The following USP34 variants were observed in gnomAD, a reference collection of about 807,000 sequenced individuals.
USP34 encodes the protein ubiquitin carboxyl-terminal hydrolase 34.
A neutral mutation model predicts 460.3 loss-of-function variants in USP34; 70 were observed. The ratio of observed to expected loss-of-function variants is 0.15; its 90% CI spans 0.13 to 0.19. The LOEUF is 0.19. Among genes scored for constraint, USP34 ranks in the 10% least tolerant of loss-of-function variants. USP34 has a pLI of 1.00. For missense variants in USP34, 3,985 were observed against 4,236.2 expected (o/e 0.94, Z 1.65); for synonymous variants, 1,647 against 1,405.3 (o/e 1.17, Z -3.85).
At chr2:61,338,817 A>T (rs1006013201) in intron 18 of USP34, among the ~76,000 whole-genome samples, 13 of 152,230 alleles carry the variant, frequency 8.5e-5, no homozygotes, top group African/African-American at 2.4e-4. Context: ...CCAAAAAACA[A>T]AAAAAGACTT....
At chr2:61,388,945 T>C (rs1186061012) in intron 5 of USP34, among the ~76,000 whole-genome samples, 1 of 152,046 alleles carries the variant, frequency 6.6e-6, no homozygotes. Context: ...AATAAATTGG[T>C]ATATTTTAAA....
chr2:61,353,380 C>T (rs1438117546), intron 10 of USP34, among the ~76,000 whole-genome samples: 1 of 151,174 alleles, frequency 6.6e-6, no homozygotes, highest in Non-Finnish European at 1.5e-5. Context: ...ACCTGTTGCA[C>T]TTCCTAGACG....
At chr2:61,408,185 G>A (rs1204294359) in intron 2 of USP34, among the ~76,000 whole-genome samples, 1 of 152,036 alleles carries the variant, frequency 6.6e-6, no homozygotes, top group Non-Finnish European at 1.5e-5. Context: ...AGCCAACTTG[G>A]AAGTATATCC....
intron 20 of USP34, among the ~76,000 whole-genome samples, chr2:61,327,522 A>T (rs1052011298): frequency 6.6e-6 from 1 of 152,244 alleles, no homozygotes; most frequent in Non-Finnish European, 1.5e-5. Flanking sequence ...CTGCGGTTTT[A>T]CGTTACTGTA....
rs1691907538 is a variant in USP34, at chr2:61,350,301, G to A, written c.1466C>T (p.Ala489Val). Residue 489 changes from alanine to valine, a missense_variant, in exon 12 of 80, where the codon GCA (alanine) becomes GTA (valine). Coordinates refer to ENST00000398571, the MANE Select transcript of USP34 (RefSeq NM_014709.4). ...KAQLSKQSSF[A>V]SLLNTNIPIG... ...GGGAATATTAGTATTTAATAAAGAT[G>A]CAAAAGAACTCTGTTTAGATAACTG... 1.9e-6 allele frequency: 3 copies of A among 1,611,634 alleles called. No homozygotes were observed. The highest frequency in any genetic ancestry group is 1.1e-5 in the South Asian group (1 of 90,682).
Position 61,229,586 on chromosome 2 carries a change from C to A in USP34, c.7161G>T (p.Val2387=), listed in dbSNP as rs774232145. The change falls in exon 59 of 80, where the codon GTG becomes GTT. Residue 2387 remains valine (V), a synonymous_variant. Coordinates refer to ENST00000398571, the MANE Select transcript of USP34 (RefSeq NM_014709.4). ...CIHVIQRLRP[V]HAHLYLQPGM... is the part of the protein sequence containing the mutation. ...CTGGCTGCAAATAGAGATGAGCATG[C>A]ACAGGTCTCAGCCTCTGAATCACAT... The A allele has an allele frequency of 6.2e-7, 1 of 1,612,092 alleles. No individual in the cohort carries two copies. The highest frequency in any genetic ancestry group is 2.2e-5 in the East Asian group (1 of 44,758).
intron 8 of USP34, among the ~76,000 whole-genome samples, chr2:61,375,213 C>A (rs527939554): frequency 5.3e-5 from 8 of 152,218 alleles, no homozygotes; most frequent in Admixed American, 3.3e-4. Flanking sequence ...ACTTTACACC[C>A]CCTAAATGGC....
At chr2:61,357,265 T>G (rs1415363405) in intron 10 of USP34, among the ~76,000 whole-genome samples, 1 of 152,088 alleles carries the variant, frequency 6.6e-6, no homozygotes. Context: ...AGGAAGAAGC[T>G]GAAAATCAGT....
chr2:61,206,708 T>C, intron 71 of USP34, 52 bp downstream of exon 71: 1 of 1,588,338 alleles, frequency 6.3e-7, no homozygotes, highest in Non-Finnish European at 8.6e-7. Flanking sequence ...TAAAACCTTC[T>C]CTCTCTTTAC....
chr2:61,192,938 A>C lies in USP34; in HGVS notation c.9551T>G (p.Leu3184Arg). ...AYEGLPLHLA[L>R]FPKLWTELCQ... ...TAGCTCAGTCCAAAGTTTGGGGAAC[A>C]GTGCAAGATGAAGTGGCAAACCTTC... The change falls in exon 76 of 80, where the codon CTG becomes CGG. Residue 3184 changes from leucine (L) to arginine (R), a missense_variant. Coordinates refer to ENST00000398571, the MANE Select transcript of USP34 (RefSeq NM_014709.4). The C allele has an allele frequency of 6.2e-7, 1 of 1,613,986 alleles. No homozygotes were observed. The highest frequency in any genetic ancestry group is 8.5e-7 in the Non-Finnish European group (1 of 1,179,892).
chr2:61,243,397 TC>T (rs955738673), intron 51 of USP34, among the ~76,000 whole-genome samples: 2 of 152,022 alleles, frequency 1.3e-5, no homozygotes, highest in African/African-American at 4.8e-5. Context: ...TCCACCTGCT[TC>T]GGCCTCCCAA....
chr2:61,265,885 A>C, intron 42 of USP34, 99 bp downstream of exon 42: 2 of 1,122,894 alleles, frequency 1.8e-6, no homozygotes, highest in Non-Finnish European at 2.4e-6. Context: ...TATAATGTTA[A>C]AGTGTGTGAA....
At chr2:61,242,458 TACACACACACAC>T (rs67471702) in intron 51 of USP34, among the ~76,000 whole-genome samples, 3,518 of 129,766 alleles carry the variant, frequency 0.027, 168 homozygotes, top group African/African-American at 0.099. Context: ...AGATAATACA[TACACACACACAC>T]ACACACACAC....
intron 1 of USP34, among the ~76,000 whole-genome samples, chr2:61,425,603 A>T (rs1352739076): frequency 6.6e-6 from 1 of 152,176 alleles, no homozygotes; most frequent in Non-Finnish European, 1.5e-5. Flanking sequence ...AGGAGTCCCA[A>T]CTTGAGTTCC....
intron 21 of USP34, among the ~76,000 whole-genome samples, chr2:61,322,163 G>C (rs1690943738): frequency 6.6e-6 from 1 of 152,320 alleles, no homozygotes; most frequent in South Asian, 2.1e-4. Flanking sequence ...CAGGGAGGTG[G>C]AGGTTGCGGT....
Position 61,301,020 on chromosome 2 carries a change from A to G in USP34, c.4059T>C (p.Leu1353=), listed in dbSNP as rs372057960. ...LLLQEPHLTT[L]FDLLEMLASF... ...ATGCAAGCATCTCTAATAAATCAAA[A>G]AGAGTAGTTAAATGAGGCTCTTGTA... The change falls in exon 29 of 80, where the codon CTT becomes CTC. Residue 1353 remains leucine, a synonymous_variant. Transcript: ENST00000398571. The G allele has an allele frequency of 8.1e-6, 13 of 1,613,912 alleles. No homozygotes were observed. The highest frequency in any genetic ancestry group is 1.7e-5 in the Admixed American group (1 of 59,978).
chr2:61,313,782 T>A (rs910971865), intron 25 of USP34, among the ~76,000 whole-genome samples: 2 of 152,128 alleles, frequency 1.3e-5, no homozygotes, highest in Non-Finnish European at 2.9e-5. Context: ...CATGGAAGCA[T>A]GTTATTTATA....
intron 20 of USP34, among the ~76,000 whole-genome samples, chr2:61,330,683 A>C (rs1691232796): frequency 6.6e-6 from 1 of 152,134 alleles, no homozygotes; most frequent in Admixed American, 6.6e-5. Flanking sequence ...AAATCTTCTG[A>C]ATCTCCTATG....
chr2:61,425,187 C>T (rs559371732), intron 1 of USP34, among the ~76,000 whole-genome samples: 5 of 151,806 alleles, frequency 3.3e-5, no homozygotes, highest in African/African-American at 4.8e-5. Context: ...CCCATGCCCC[C>T]GCCAACAAGG....
Sources: gnomAD v4.1 joint callset for allele counts (sites outside exome capture counted in the v4.1 genomes callset) on GRCh38, gnomAD v4.1.1 for gene constraint, MANE v1.5 for transcripts, NCBI Gene and HGNC (gene_info 2026-07-23, HGNC 2026-07-21) for gene names.